Variants in KREMEN1 observed in about 807,000 individuals in gnomAD.
The protein encoded by KREMEN1 is kringle containing transmembrane protein 1.
A neutral mutation model predicts 46.5 loss-of-function variants in KREMEN1; 30 were observed. That is an observed-to-expected ratio of 0.65 (90% CI 0.48 to 0.88). KREMEN1 has a LOEUF of 0.88. Ranked by LOEUF, KREMEN1 falls within the 40% of genes least tolerant of loss-of-function variation. KREMEN1 has a pLI of 0.00. For synonymous variants in KREMEN1, 214 were observed against 230.6 expected, an observed-to-expected ratio of 0.93 and a Z score of 0.65; for missense variants, 533 against 596.9, an observed-to-expected ratio of 0.89 and a Z score of 1.11.
At chr22:29,115,757 C>T (rs1363422597) in intron 3 of KREMEN1, among the ~76,000 whole-genome samples, 1 of 152,146 alleles carries the variant, frequency 6.6e-6, no homozygotes, top group Non-Finnish European at 1.5e-5. Context: ...CATGGGGCTT[C>T]CCAGGGGAAA....
At chr22:29,104,897 AAAAT>A (rs200499696) in intron 3 of KREMEN1, among the ~76,000 whole-genome samples, 1 of 151,772 alleles carries the variant, frequency 6.6e-6, no homozygotes, top group African/African-American at 2.4e-5. Context: ...CCATTTCAAA[AAAAT>A]AAATAAAATA....
chr22:29,149,634 C>T (rs893371602), downstream of KREMEN1, among the ~76,000 whole-genome samples: 5 of 152,120 alleles, frequency 3.3e-5, no homozygotes, highest in South Asian at 2.1e-4. Context: ...GGACAAATTA[C>T]GCTGCAATAG....
chr22:29,142,162 C>T lies in KREMEN1; in HGVS notation c.*50C>T. Reference sequence around the variant, plus strand: ...AGGTCCCTCTTTGAGCTCAAGGCTGCCGTGGTCAACCTCTCCTGTGGTTCT... The same window carrying T: ...AGGTCCCTCTTTGAGCTCAAGGCTGTCGTGGTCAACCTCTCCTGTGGTTCT... On this transcript the variant is annotated 3_prime_UTR_variant, in exon 9 of 9. Transcript: ENST00000400335. 6.7e-7 allele frequency: 1 copy of T among 1,488,266 alleles called. No homozygotes were observed. Among genetic ancestry groups the T allele is most frequent in the Non-Finnish European group, 8.9e-7 (1 of 1,119,090 alleles). The allele number at this position is 1,488,266 out of a possible 1,614,324, so 92.2% of individuals were successfully genotyped here.
chr22:29,165,274 G>A (rs767573271), intron 9 of KREMEN1, among the ~76,000 whole-genome samples: 1 of 152,066 alleles, frequency 6.6e-6, no homozygotes, highest in Non-Finnish European at 1.5e-5. Context: ...GCCCGATGTG[G>A]TAGTGTGTAC....
At position 29,094,391 on chromosome 22, in the gene KREMEN1, G is replaced by T. The variant is rs773101661; in HGVS notation, c.231G>T (p.Glu77Asp). 1.2e-6 allele frequency: 2 copies of T among 1,613,492 alleles called. No individual in the cohort carries two copies. The highest frequency in any genetic ancestry group is 2.2e-5 in the South Asian group (2 of 90,982). The change falls in exon 2 of 9, where the codon GAG (glutamate) becomes GAT (aspartate). Residue 77 changes from glutamate (E) to aspartate (D), a missense_variant. Coordinates refer to ENST00000400335, the MANE Select transcript of KREMEN1 (RefSeq NM_001039570.3). ...PYNTLKYPNG[E>D]GGLGEHNYCR... ...ACACTCTGAAATACCCCAACGGGGA[G>T]GGGGGCCTGGGTGAGCACAACTATT...
At chr22:29,166,904 G>A (rs1204673540) in intron 9 of KREMEN1, 7 of 679,010 alleles carry the variant, frequency 1.0e-5, no homozygotes, top group Non-Finnish European at 1.9e-5. Context: ...CCGCACTCCA[G>A]GCTGGGTGAC....
At chr22:29,124,753 A>G (rs978179441) in intron 4 of KREMEN1, among the ~76,000 whole-genome samples, 1 of 152,216 alleles carries the variant, frequency 6.6e-6, no homozygotes, top group African/African-American at 2.4e-5. Flanking sequence ...TCGGCCTCCC[A>G]AAGTGCTGGG....
chr22:29,148,478 G>T (rs901107097), downstream of KREMEN1, among the ~76,000 whole-genome samples: 2 of 150,464 alleles, frequency 1.3e-5, no homozygotes, highest in African/African-American at 4.9e-5. Flanking sequence ...TTTTGGAGAC[G>T]GAGTTTTGCT....
intron 3 of KREMEN1, among the ~76,000 whole-genome samples, chr22:29,114,208 G>A (rs2038197174): frequency 1.3e-5 from 2 of 152,140 alleles, no homozygotes; most frequent in Admixed American, 1.3e-4. Context: ...AGAGGGCTGG[G>A]TGCAGTGGCT....
chr22:29,121,355 A>G lies in KREMEN1; in HGVS notation c.353-2A>G, dbSNP rs1229049216. On this transcript the variant is annotated splice_acceptor_variant, in intron 3 of 8. Transcript: ENST00000400335. LOFTEE classifies it high-confidence loss of function. ...ATTCTTTTGTTTTTCTTTTTTCTTTAGTGCCTGGAAACCTTGGCTGCTACA... is the reference window on the plus strand; with the variant it reads ...ATTCTTTTGTTTTTCTTTTTTCTTTGGTGCCTGGAAACCTTGGCTGCTACA... The G allele has an allele frequency of 6.2e-7, 1 of 1,612,568 alleles. No individual in the cohort carries two copies. The highest frequency in any genetic ancestry group is 8.5e-7 in the Non-Finnish European group (1 of 1,179,574).
chr22:29,146,473 A>G lies in KREMEN1; in HGVS notation c.*4361A>G. 1.0e-6 allele frequency: 1 copy of G among 985,570 alleles called. No homozygotes were observed. The allele number at this position is 985,570 out of a possible 1,614,324, so 61.1% of individuals were successfully genotyped here. On this transcript the variant is annotated 3_prime_UTR_variant, in exon 9 of 9. Transcript: ENST00000400335. The stretch of plus-strand genomic sequence containing the variant: ...TCTGCTTCAGAAAGGAAGGGTCTTT[A>G]GACACAAAGACTGGAGGCCCTTCCC...
chr22:29,085,857 G>C (rs1384969791), intron 1 of KREMEN1, among the ~76,000 whole-genome samples: 1 of 151,902 alleles, frequency 6.6e-6, no homozygotes, highest in African/African-American at 2.4e-5. Flanking sequence ...TATAGTCCCA[G>C]CTATGTGGGA....
At chr22:29,134,562 C>T (rs1313952783) in intron 5 of KREMEN1, among the ~76,000 whole-genome samples, 2 of 151,962 alleles carry the variant, frequency 1.3e-5, no homozygotes, top group South Asian at 4.1e-4. Flanking sequence ...CAATGTCTTT[C>T]CCCCCTCCCA....
chr22:29,109,703 G>C (rs759506530), intron 3 of KREMEN1, among the ~76,000 whole-genome samples: 14 of 152,196 alleles, frequency 9.2e-5, no homozygotes, highest in Non-Finnish European at 1.8e-4. Context: ...AGGAAGAGAA[G>C]CAAGTCCAGT....
intron 1 of KREMEN1, among the ~76,000 whole-genome samples, chr22:29,082,466 T>G (rs1490733506): frequency 6.6e-6 from 1 of 152,220 alleles, no homozygotes; most frequent in African/African-American, 2.4e-5. Context: ...CTAGAACTTC[T>G]CATAGGTATT....
In KREMEN1 at chr22:29,133,592, T is replaced by A. The variant is rs146765396; in HGVS notation, c.632-3750T>A. On this transcript the variant is annotated intron_variant, in intron 5 of 8. Coordinates refer to ENST00000400335, the MANE Select transcript of KREMEN1 (RefSeq NM_001039570.3). ...CTGGGATTACAGGCATGAGCCACCA[T>A]GCCCAGACTGGTTTTCAACATTTAA... 3.7e-3 allele frequency among the ~76,000 whole-genome samples: 562 copies of A among 152,294 alleles called. 5 individuals carry two copies. Among genetic ancestry groups the A allele is most frequent in the African/African-American group, 0.013 (542 of 41,568 alleles).
intron 9 of KREMEN1, among the ~76,000 whole-genome samples, chr22:29,165,544 C>T (rs1484553441): frequency 1.3e-5 from 2 of 152,220 alleles, no homozygotes; most frequent in African/African-American, 2.4e-5. Context: ...ACACTCTCAT[C>T]TTGGAGGCTG....
intron 9 of KREMEN1, among the ~76,000 whole-genome samples, chr22:29,155,580 A>G (rs1024561271): frequency 5.9e-5 from 9 of 152,110 alleles, no homozygotes; most frequent in African/African-American, 2.2e-4. Flanking sequence ...TTCACATTTT[A>G]TTTGATATAT....
At chr22:29,098,129 C>T (rs911144233) in intron 2 of KREMEN1, among the ~76,000 whole-genome samples, 48 of 151,236 alleles carry the variant, frequency 3.2e-4, no homozygotes, top group Non-Finnish European at 4.1e-4. Flanking sequence ...TGCAGTGAGC[C>T]GAGATCATGC....
Sources: gnomAD v4.1 joint callset for allele counts (sites outside exome capture counted in the v4.1 genomes callset) on GRCh38, gnomAD v4.1.1 for gene constraint, MANE v1.5 for transcripts, NCBI Gene and HGNC (gene_info 2026-07-23, HGNC 2026-07-21) for gene names.